Variants in TENM2 observed in about 807,000 individuals in gnomAD.
The protein encoded by TENM2 is teneurin-2.
TENM2 carries 52 observed loss-of-function variants against 245.2 expected under a neutral mutation model. The ratio of observed to expected loss-of-function variants is 0.21; its 90% CI spans 0.17 to 0.27. The LOEUF is 0.27. Among genes scored for constraint, TENM2 ranks in the 10% least tolerant of loss-of-function variants. TENM2 has a pLI of 1.00. For synonymous variants in TENM2, 1,363 were observed against 1,438.9 expected (o/e 0.95, Z 1.19); for missense variants, 3,046 against 3,666.8 (o/e 0.83, Z 4.37).
At chr5:167,284,365 G>T (rs1022426834), upstream of TENM2, among the ~76,000 whole-genome samples, 1 of 152,074 alleles carries the variant, frequency 6.6e-6, no homozygotes, top group Non-Finnish European at 1.5e-5. Flanking sequence ...TGGAGGGGGG[G>T]TGGTATTTGT....
At chr5:167,413,506 A>G (rs1763013457) in intron 2 of TENM2, among the ~76,000 whole-genome samples, 1 of 152,102 alleles carries the variant, frequency 6.6e-6, no homozygotes, top group African/African-American at 2.4e-5. Context: ...GGCTGGTTGC[A>G]GTGAGATGTC....
At chr5:167,016,253 C>CAAAAAAAAAAAAAAA in the TENM2 span, among the ~76,000 whole-genome samples, 1 of 99,818 alleles carries the variant, frequency 1.0e-5, no homozygotes, top group Admixed American at 1.1e-4. Flanking sequence ...GACTCTGTCT[C>CAAAAAAAAAAAAAAA]AAAAAAAAAA....
At chr5:167,276,352 TTGTGTG>T in the TENM2 span, among the ~76,000 whole-genome samples, 32 of 34,196 alleles carry the variant, frequency 9.4e-4, no homozygotes, top group Admixed American at 9.5e-3. Context: ...CCTGTTCATT[TTGTGTG>T]TGTGTGTGTG....
intron 2 of TENM2, among the ~76,000 whole-genome samples, chr5:167,484,935 C>G (rs575194051): frequency 6.6e-6 from 1 of 152,202 alleles, no homozygotes; most frequent in East Asian, 1.9e-4. Flanking sequence ...CTCAGACATG[C>G]TGAATTACAT....
chr5:168,165,823 G>A (rs1758242664), intron 13 of TENM2: 1 of 150,186 alleles, frequency 6.7e-6, no homozygotes, highest in Admixed American at 6.6e-5. Context: ...AAGGCTGCAT[G>A]GTGTTTATGA....
chr5:167,165,188 G>T, the TENM2 span: 1 of 152,238 alleles, frequency 6.6e-6, no homozygotes, highest in Admixed American at 6.5e-5. Context: ...ACATAATGAG[G>T]GTTTACTTCT....
chr5:167,103,266 C>G, the TENM2 span, among the ~76,000 whole-genome samples: 1 of 152,048 alleles, frequency 6.6e-6, no homozygotes, highest in Non-Finnish European at 1.5e-5. Context: ...ATCTGAGAAC[C>G]AAAGGAGCAT....
intron 2 of TENM2, among the ~76,000 whole-genome samples, chr5:167,600,757 C>T (rs561414839): frequency 1.3e-5 from 2 of 152,320 alleles, no homozygotes; most frequent in East Asian, 3.9e-4. Flanking sequence ...GTTTCCTCAA[C>T]TGATACAGTT....
At chr5:167,037,955 C>G in the TENM2 span, among the ~76,000 whole-genome samples, 1 of 152,182 alleles carries the variant, frequency 6.6e-6, no homozygotes, top group Non-Finnish European at 1.5e-5. Flanking sequence ...TTAGGAATGG[C>G]CTATGCTTCC....
At chr5:167,334,725 G>C (rs1188660983) in intron 1 of TENM2, among the ~76,000 whole-genome samples, 1 of 152,054 alleles carries the variant, frequency 6.6e-6, no homozygotes, top group African/African-American at 2.4e-5. Context: ...ATATTATCTG[G>C]TTTGCAGGTC....
At chr5:167,425,420 G>T (rs79807690) in intron 2 of TENM2, among the ~76,000 whole-genome samples, 6,667 of 152,218 alleles carry the variant, frequency 0.044, 208 homozygotes, top group Non-Finnish European at 0.067. Flanking sequence ...GAGATTAAAT[G>T]AGTTTGGGAT....
the TENM2 span, among the ~76,000 whole-genome samples, chr5:167,174,429 A>G: frequency 2.0e-5 from 3 of 152,168 alleles, no homozygotes; most frequent in Non-Finnish European, 4.4e-5. Flanking sequence ...TTGACATAGT[A>G]TTAGCCCATT....
the TENM2 span, among the ~76,000 whole-genome samples, chr5:167,020,904 G>A: frequency 6.6e-6 from 1 of 152,252 alleles, no homozygotes; most frequent in South Asian, 2.1e-4. Context: ...TGGCCTTTGG[G>A]AGGCCGAGGC....
the TENM2 span, among the ~76,000 whole-genome samples, chr5:167,198,478 TG>T: frequency 1.3e-5 from 2 of 152,064 alleles, no homozygotes; most frequent in African/African-American, 2.4e-5. Flanking sequence ...AATGGGGAAA[TG>T]GCTCAAAGGT....
intron 14 of TENM2, 83 bp downstream of exon 16, chr5:168,190,630 G>C (rs1001274688): frequency 3.0e-6 from 4 of 1,324,028 alleles, no homozygotes; most frequent in Non-Finnish European, 4.2e-6. Flanking sequence ...CAGCTTTCCC[G>C]GGGACCCAAT....
chr5:168,089,318 T>C (rs1792724385), intron 7 of TENM2, among the ~76,000 whole-genome samples: 1 of 152,178 alleles, frequency 6.6e-6, no homozygotes, highest in African/African-American at 2.4e-5. Flanking sequence ...CCTCCTACTT[T>C]CATTTTTTCT....
At chr5:167,321,553 A>G (rs1166701090) in intron 1 of TENM2, among the ~76,000 whole-genome samples, 3 of 152,062 alleles carry the variant, frequency 2.0e-5, no homozygotes, top group African/African-American at 7.2e-5. Context: ...TTGGTCTCTC[A>G]GCCAACAACT....
chr5:168,004,316 G>A (rs994611263), intron 5 of TENM2, among the ~76,000 whole-genome samples: 1 of 152,182 alleles, frequency 6.6e-6, no homozygotes, highest in Non-Finnish European at 1.5e-5. Context: ...TGCAATGTTA[G>A]TTCCCAATCA....
intron 1 of TENM2, among the ~76,000 whole-genome samples, chr5:167,356,437 A>G (rs560204171): frequency 6.6e-6 from 1 of 152,240 alleles, no homozygotes; most frequent in East Asian, 1.9e-4. Context: ...GGAATGCTAA[A>G]TAGTAGAAGA....
Sources: allele counts gnomAD v4.1 joint callset (sites outside exome capture counted in the v4.1 genomes callset), GRCh38; gene constraint gnomAD v4.1.1; transcripts MANE v1.5; gene names NCBI Gene and HGNC (gene_info 2026-07-23, HGNC 2026-07-21).